The following ADARB2 variants were observed in gnomAD, a reference collection of about 807,000 sequenced individuals.
The protein encoded by ADARB2 is adenosine deaminase RNA specific B2 (inactive).
Under a neutral mutation model 62.2 loss-of-function variants are expected in ADARB2, and 25 were observed. The observed-to-expected ratio is 0.40, with a 90% CI of 0.29 to 0.56. The LOEUF is 0.56. Ranked by LOEUF, ADARB2 falls within the 20% of genes least tolerant of loss-of-function variation. The pLI, the probability that ADARB2 is intolerant of heterozygous loss-of-function variation, is 0.43. For missense variants in ADARB2, 1,071 were observed against 1,077.4 expected, an observed-to-expected ratio of 0.99 and a Z score of 0.08; for synonymous variants, 572 against 500.8, an observed-to-expected ratio of 1.14 and a Z score of -1.90.
At chr10:1,560,316 G>A (rs1409384872) in intron 1 of ADARB2, among the ~76,000 whole-genome samples, 2 of 152,138 alleles carry the variant, frequency 1.3e-5, no homozygotes, top group Non-Finnish European at 2.9e-5. Context: ...AACCACATTC[G>A]TTTTAGTAAA....
intron 1 of ADARB2, among the ~76,000 whole-genome samples, chr10:1,589,083 T>C (rs1833215057): frequency 6.6e-6 from 1 of 152,244 alleles, no homozygotes; most frequent in South Asian, 2.1e-4. Context: ...TGTGTTCTCA[T>C]GCACAAGTTA....
At chr10:1,453,863 C>A (rs995188657) in intron 1 of ADARB2, among the ~76,000 whole-genome samples, 1 of 152,250 alleles carries the variant, frequency 6.6e-6, no homozygotes, top group Non-Finnish European at 1.5e-5. Flanking sequence ...AAAAATGGAA[C>A]GCTGTGCACT....
At chr10:1,715,477 A>T (rs1009497240) in intron 1 of ADARB2, among the ~76,000 whole-genome samples, 3 of 115,898 alleles carry the variant, frequency 2.6e-5, no homozygotes, top group African/African-American at 5.2e-5. Flanking sequence ...AATGTGATTT[A>T]AAAAAATTGT....
At chr10:1,601,715 G>T (rs2132014860) in intron 1 of ADARB2, among the ~76,000 whole-genome samples, 1 of 152,284 alleles carries the variant, frequency 6.6e-6, no homozygotes, top group East Asian at 1.9e-4. Context: ...ACAGCCACCT[G>T]CTCCCCCGAA....
chr10:1,719,487 T>C (rs931828724), intron 1 of ADARB2, among the ~76,000 whole-genome samples: 7 of 152,258 alleles, frequency 4.6e-5, no homozygotes, highest in African/African-American at 1.7e-4. Flanking sequence ...ATCAGAAGCA[T>C]TTTATACAGT....
At chr10:1,370,062 A>G (rs910532291) in intron 2 of ADARB2, among the ~76,000 whole-genome samples, 2 of 152,234 alleles carry the variant, frequency 1.3e-5, no homozygotes, top group African/African-American at 2.4e-5. Context: ...GCAGACACTC[A>G]GAATGCGTGA....
In ADARB2 at chr10:1,600,918, C is replaced by T. The variant is rs2676742; in HGVS notation, c.100+136133G>A. Among the ~76,000 whole-genome samples the T allele has an allele frequency of 1.8e-3, 272 of 152,248 alleles. 1 individual carries two copies. Among genetic ancestry groups the T allele is most frequent in the African/African-American group, 6.0e-3 (251 of 41,550 alleles). On this transcript the variant is annotated intron_variant, in intron 1 of 9. Transcript: ENST00000381312. ...TATGGTGGAGAGGAAGCAGCCAGCA[C>T]GCAGCTCCTCAAGGCAGATTAGCTG...
intron 3 of ADARB2, among the ~76,000 whole-genome samples, chr10:1,275,514 T>TC (rs1380244339): frequency 7.4e-6 from 1 of 135,852 alleles, no homozygotes; most frequent in African/African-American, 2.5e-5. Flanking sequence ...TTCCTTCTTT[T>TC]CTTTTTTTTT....
At chr10:1,454,785 C>T (rs957946159) in intron 1 of ADARB2, among the ~76,000 whole-genome samples, 3 of 151,996 alleles carry the variant, frequency 2.0e-5, no homozygotes, top group Non-Finnish European at 4.4e-5. Context: ...TTAGTGCCAC[C>T]GACCTATACA....
intron 1 of ADARB2, among the ~76,000 whole-genome samples, chr10:1,558,492 C>T (rs182081363): frequency 2.5e-4 from 18 of 71,174 alleles, no homozygotes; most frequent in Non-Finnish European, 4.0e-4. Flanking sequence ...AGCCCCCACA[C>T]ACCCCATCTA....
chr10:1,186,099 C>T (rs563277516), intron 8 of ADARB2, among the ~76,000 whole-genome samples: 28 of 152,338 alleles, frequency 1.8e-4, no homozygotes, highest in South Asian at 4.1e-4. Flanking sequence ...AGCTGAGCCC[C>T]GCCAATTCAT....
intron 1 of ADARB2, among the ~76,000 whole-genome samples, chr10:1,734,198 G>C (rs1403711211): frequency 6.6e-6 from 1 of 151,956 alleles, no homozygotes; most frequent in East Asian, 1.9e-4. Context: ...TTGATGTGTG[G>C]GGAGACATAT....
chr10:1,633,545 CT>C (rs1833867847), intron 1 of ADARB2, among the ~76,000 whole-genome samples: 2 of 118,728 alleles, frequency 1.7e-5, no homozygotes, highest in Admixed American at 8.9e-5. Flanking sequence ...GTCTGTCTAT[CT>C]ATCATCTATC....
intron 1 of ADARB2, among the ~76,000 whole-genome samples, chr10:1,502,267 C>T (rs1188651469): frequency 6.6e-6 from 1 of 152,240 alleles, no homozygotes; most frequent in Admixed American, 6.5e-5. Context: ...AACTGTCCAG[C>T]CAGTCATGCT....
At position 1,181,330 on chromosome 10, in the gene ADARB2, G is replaced by A. The variant is rs1564212570; in HGVS notation, c.*1863C>T. The A allele has an allele frequency of 6.6e-6, 1 of 152,216 alleles. No individual in the cohort carries two copies. Among genetic ancestry groups the A allele is most frequent in the African/African-American group, 2.4e-5 (1 of 41,456 alleles). 9.4% of individuals were successfully genotyped at this position (152,216 alleles called of 1,614,324 possible). A position where few individuals can be genotyped will look rare whatever the true frequency, so the allele number is the denominator to read the frequency against. Reference sequence around the variant, plus strand: ...TACCAGAACTTAATAGAAACTGGTCGTTTGAGCTTAGCTTTTGCACTGAAT... The same window carrying A: ...TACCAGAACTTAATAGAAACTGGTCATTTGAGCTTAGCTTTTGCACTGAAT... On this transcript the variant is annotated 3_prime_UTR_variant, in exon 10 of 10. Transcript: ENST00000381312.
intron 1 of ADARB2, among the ~76,000 whole-genome samples, chr10:1,412,735 G>T (rs1316317366): frequency 6.6e-6 from 1 of 152,184 alleles, no homozygotes; most frequent in Non-Finnish European, 1.5e-5. Context: ...AGGTGGGTGT[G>T]GGGGCACGGC....
chr10:1,653,409 G>A (rs1014024419), intron 1 of ADARB2, among the ~76,000 whole-genome samples: 1 of 152,190 alleles, frequency 6.6e-6, no homozygotes, highest in Middle Eastern at 3.2e-3. Context: ...TGGGGTTTGA[G>A]GCTGCTGTAG....
intron 7 of ADARB2, among the ~76,000 whole-genome samples, chr10:1,207,215 T>C (rs1837080219): frequency 6.6e-6 from 1 of 152,010 alleles, no homozygotes; most frequent in Non-Finnish European, 1.5e-5. Context: ...GGAATGGTGG[T>C]GTACGCCTGT....
intron 4 of ADARB2, among the ~76,000 whole-genome samples, chr10:1,244,781 G>T (rs1300563359): frequency 6.6e-6 from 1 of 152,168 alleles, no homozygotes; most frequent in Non-Finnish European, 1.5e-5. Context: ...CACACCCAGG[G>T]AGCTTCTGCA....
Sources: gnomAD v4.1 joint callset for allele counts (sites outside exome capture counted in the v4.1 genomes callset) on GRCh38, gnomAD v4.1.1 for gene constraint, MANE v1.5 for transcripts, NCBI Gene and HGNC (gene_info 2026-07-23, HGNC 2026-07-21) for gene names.